RAB14: variants seen among roughly 807,000 people sequenced by gnomAD.
RAB14 encodes ras-related protein Rab-14.
In RAB14, 3 loss-of-function variants were observed where a neutral mutation model predicts 31.1. That is an observed-to-expected ratio of 0.10 (90% CI 0.04 to 0.25). The LOEUF is 0.25. Ranked by LOEUF, RAB14 falls within the 10% of genes least tolerant of loss-of-function variation. The pLI, the probability that RAB14 is intolerant of heterozygous loss-of-function variation, is 1.00. For missense variants in RAB14, 111 were observed against 260.1 expected, an observed-to-expected ratio of 0.43 and a Z score of 3.94; for synonymous variants, 85 against 84.9, an observed-to-expected ratio of 1.00 and a Z score of 0.00.
intron 1 of RAB14, among the ~76,000 whole-genome samples, chr9:121,197,568 G>A (rs1469010147): frequency 6.6e-6 from 1 of 152,056 alleles, no homozygotes; most frequent in African/African-American, 2.4e-5. Context: ...AGAATGCATG[G>A]TTTCTATTTA....
intron 1 of RAB14, among the ~76,000 whole-genome samples, chr9:121,197,609 G>C (rs2053725314): frequency 6.6e-6 from 1 of 152,108 alleles, no homozygotes; most frequent in South Asian, 2.1e-4. Context: ...AGATTACACA[G>C]ACATATAAAC....
intron 1 of RAB14, among the ~76,000 whole-genome samples, chr9:121,194,198 T>A (rs1465598604): frequency 6.6e-6 from 1 of 151,690 alleles, no homozygotes; most frequent in Non-Finnish European, 1.5e-5. Context: ...CATCTCAGTC[T>A]CCCAAAGTGC....
chr9:121,186,563 C>T (rs7874025), intron 5 of RAB14, among the ~76,000 whole-genome samples: 19,542 of 151,998 alleles, frequency 0.13, 1,340 homozygotes, highest in East Asian at 0.18. Flanking sequence ...ATTGAGGTAA[C>T]GCAGATTCAC....
rs536176476 is a variant in RAB14 at position 121,181,813 on chromosome 9, T to C, written c.471-240A>G. 2.1e-5 allele frequency among the ~76,000 whole-genome samples: 3 copies of C among 140,300 alleles called. No individual in the cohort carries two copies. The South Asian group carries it at 7.5e-4, about 35-fold the overall frequency. 92.0% of individuals were successfully genotyped at this position (140,300 alleles called of 152,430 possible). A position where few individuals can be genotyped will look rare whatever the true frequency, so the allele number is the denominator to read the frequency against. On this transcript the variant is annotated intron_variant, in intron 7 of 7. Transcript: ENST00000373840. ...ACCAGGCTGGAGTGCAGTGGCCCGATCTCAGCTCACTGCAACCTCCACCTC... is the reference window on the plus strand; with the variant it reads ...ACCAGGCTGGAGTGCAGTGGCCCGACCTCAGCTCACTGCAACCTCCACCTC...
chr9:121,193,157 C>T (rs1006912659), intron 2 of RAB14, among the ~76,000 whole-genome samples: 3 of 152,080 alleles, frequency 2.0e-5, no homozygotes, highest in African/African-American at 7.2e-5. Context: ...ACAAGGTACC[C>T]ACCAGCACTG....
intron 2 of RAB14, among the ~76,000 whole-genome samples, chr9:121,193,117 G>A (rs1051188946): frequency 1.3e-5 from 2 of 152,064 alleles, no homozygotes; most frequent in African/African-American, 2.4e-5. Flanking sequence ...AAGCTTTCAA[G>A]CAGCCCTCAA....
intron 4 of RAB14, among the ~76,000 whole-genome samples, chr9:121,187,334 A>C (rs2053663921): frequency 6.6e-6 from 1 of 152,128 alleles, no homozygotes; most frequent in African/African-American, 2.4e-5. Context: ...TGGAAATGCC[A>C]ATGTGGAGTC....
chr9:121,187,953 A>C (rs1564319805), intron 4 of RAB14, among the ~76,000 whole-genome samples: 1 of 151,994 alleles, frequency 6.6e-6, no homozygotes, highest in Admixed American at 6.6e-5. Context: ...ATGTCCTTTA[A>C]GTGTTTCTAG....
intron 7 of RAB14, among the ~76,000 whole-genome samples, chr9:121,181,783 C>CT (rs1554769040): frequency 1.5e-5 from 2 of 132,126 alleles, no homozygotes; most frequent in Non-Finnish European, 3.2e-5. Context: ...GAGACTCACT[C>CT]TGTCACCAGG....
At position 121,192,213 on chromosome 9, in the gene RAB14, C is replaced by T; in HGVS notation, c.64G>A (p.Val22Ile). ...TGATGAAGCAAGCAAGATTTTCCTA[C>T]TCCCATGTCCCCTGTTTAAAAAAAA... ...FKYIIIGDMGVGKSCLLHQFT... is the reference protein window; with the variant it reads ...FKYIIIGDMGIGKSCLLHQFT... The change falls in exon 3 of 8, where the codon GTA becomes ATA. Residue 22 changes from valine to isoleucine, a missense_variant. Coordinates refer to ENST00000373840, the MANE Select transcript of RAB14 (RefSeq NM_016322.4). 1 of 1,596,512 alleles carries T rather than the reference C, an allele frequency of 6.3e-7. No homozygotes were observed. Among genetic ancestry groups the T allele is most frequent in the Non-Finnish European group, 8.5e-7 (1 of 1,170,458 alleles).
At chr9:121,194,779 T>C (rs2053706146) in intron 1 of RAB14, among the ~76,000 whole-genome samples, 1 of 152,156 alleles carries the variant, frequency 6.6e-6, no homozygotes, top group Non-Finnish European at 1.5e-5. Flanking sequence ...ATAACAACAT[T>C]GAACCCGTAG....
intron 3 of RAB14, 139 bp downstream of exon 3, chr9:121,192,032 G>A (rs545322665): frequency 7.5e-5 from 38 of 506,868 alleles, no homozygotes; most frequent in Admixed American, 2.3e-4. Flanking sequence ...CATTTTATCT[G>A]TACCCATTTA....
intron 1 of RAB14, among the ~76,000 whole-genome samples, chr9:121,196,662 G>T (rs1441220205): frequency 2.0e-5 from 3 of 151,982 alleles, no homozygotes. Context: ...CCTCCACATG[G>T]TTATCAGCTG....
intron 7 of RAB14, among the ~76,000 whole-genome samples, chr9:121,182,398 C>T (rs760204731): frequency 4.6e-5 from 7 of 152,206 alleles, no homozygotes; most frequent in Non-Finnish European, 7.4e-5. Context: ...TAAACGAAAA[C>T]AGGTTAGCCT....
Position 121,179,057 on chromosome 9 carries a change from A to G in RAB14, c.*2339T>C, listed in dbSNP as rs1455749427. On this transcript the variant is annotated 3_prime_UTR_variant, in exon 8 of 8. Coordinates refer to ENST00000373840, the MANE Select transcript of RAB14 (RefSeq NM_016322.4). The stretch of plus-strand genomic sequence containing the variant: ...CAGTCAAAGGAGAACAGCATCAGCC[A>G]CCAAATGTGCTGATCTTACACTGAA... 1 of 152,220 alleles carries G rather than the reference A, an allele frequency of 6.6e-6. No individual in the cohort carries two copies. Among genetic ancestry groups the G allele is most frequent in the African/African-American group, 2.4e-5 (1 of 41,458 alleles). The allele number at this position is 152,220 out of a possible 1,614,324, so 9.4% of individuals were successfully genotyped here. A position where few individuals can be genotyped will look rare whatever the true frequency, so the allele number is the denominator to read the frequency against.
rs1470743200 is a variant in RAB14 at position 121,178,821 on chromosome 9, G to A, written c.*2575C>T. The A allele has an allele frequency of 6.6e-6, 1 of 152,186 alleles. No homozygotes were observed. 9.4% of individuals were successfully genotyped at this position (152,186 alleles called of 1,614,324 possible). A position where few individuals can be genotyped will look rare whatever the true frequency, so the allele number is the denominator to read the frequency against. ...TACTAATCTGAAGGCCTCCTCACAG[G>A]TCCAAGGGCAATGAGCAACCTCAAG... On this transcript the variant is annotated 3_prime_UTR_variant, in exon 8 of 8. Coordinates refer to ENST00000373840, the MANE Select transcript of RAB14 (RefSeq NM_016322.4).
Position 121,179,799 on chromosome 9 carries a change from A to ATGTT in RAB14, c.*1593_*1596dup, listed in dbSNP as rs2053623113. On this transcript the variant is annotated 3_prime_UTR_variant, in exon 8 of 8. Transcript: ENST00000373840. ...TTACAACCCAGAAAGATGTACTTTTATGTTAGTGTCTGTAAAGAGGGATTT... is the reference window on the plus strand; with the variant it reads ...TTACAACCCAGAAAGATGTACTTTTATGTTTGTTAGTGTCTGTAAAGAGGGATTT... The ATGTT allele has an allele frequency of 6.5e-6, 1 of 152,782 alleles. No individual in the cohort carries two copies. The highest frequency in any genetic ancestry group is 2.1e-4 in the South Asian group (1 of 4,830). The allele number at this position is 152,782 out of a possible 1,614,324, so 9.5% of individuals were successfully genotyped here. A position where few individuals can be genotyped will look rare whatever the true frequency, so the allele number is the denominator to read the frequency against.
intron 4 of RAB14, among the ~76,000 whole-genome samples, chr9:121,188,044 C>T (rs1417487836): frequency 1.3e-5 from 2 of 151,896 alleles, no homozygotes; most frequent in Non-Finnish European, 2.9e-5. Flanking sequence ...ATAGTTCTTT[C>T]CCAATGAGAA....
chr9:121,193,241 T>G, intron 2 of RAB14, 120 bp downstream of exon 2: 1 of 654,142 alleles, frequency 1.5e-6, no homozygotes, highest in Non-Finnish European at 2.6e-6. Context: ...TAAAAGGAGT[T>G]TTAGTTTTAC....
Sources: gnomAD v4.1 joint callset for allele counts (sites outside exome capture counted in the v4.1 genomes callset) on GRCh38, gnomAD v4.1.1 for gene constraint, MANE v1.5 for transcripts, NCBI Gene and HGNC (gene_info 2026-07-23, HGNC 2026-07-21) for gene names.